Variants in RGS6 observed in about 807,000 individuals in gnomAD.
The protein encoded by RGS6 is regulator of G protein signaling 6.
A neutral mutation model predicts 78.5 loss-of-function variants in RGS6; 30 were observed. The observed-to-expected ratio is 0.38, with a 90% CI of 0.29 to 0.52. The LOEUF (loss-of-function observed/expected upper bound fraction) is 0.52, where lower values mean the gene tolerates loss of function less well. Ranked by LOEUF, RGS6 falls within the 20% of genes least tolerant of loss-of-function variation. RGS6 has a pLI of 0.85. For missense variants in RGS6, 495 were observed against 609.7 expected, an observed-to-expected ratio of 0.81 and a Z score of 1.98; for synonymous variants, 206 against 206.0, an observed-to-expected ratio of 1.00 and a Z score of 0.00.
At chr14:72,506,458 AT>A (rs2096800849) in intron 13 of RGS6, among the ~76,000 whole-genome samples, 2 of 152,250 alleles carry the variant, frequency 1.3e-5, no homozygotes, top group African/African-American at 2.4e-5. Context: ...TTTTATAACC[AT>A]AAGAGACCAT....
At chr14:71,911,793 C>T in the RGS6 span, among the ~76,000 whole-genome samples, 1 of 152,276 alleles carries the variant, frequency 6.6e-6, no homozygotes, top group South Asian at 2.1e-4. Context: ...GAAGCATGGC[C>T]TCTGGTGGAA....
intron 3 of RGS6, among the ~76,000 whole-genome samples, chr14:72,435,754 A>G (rs1253373051): frequency 9.8e-6 from 1 of 102,096 alleles, no homozygotes; most frequent in African/African-American, 3.7e-5. Flanking sequence ...TCTCTCTCCC[A>G]CCCCGCCCCC....
At chr14:72,526,570 A>G (rs2097123696) in intron 15 of RGS6, among the ~76,000 whole-genome samples, 1 of 152,266 alleles carries the variant, frequency 6.6e-6, no homozygotes. Context: ...GATGCTTTGC[A>G]GAGTAAAGGC....
chr14:72,506,267 C>T (rs2096797878), intron 13 of RGS6, among the ~76,000 whole-genome samples: 2 of 152,158 alleles, frequency 1.3e-5, no homozygotes, highest in Non-Finnish European at 2.9e-5. Flanking sequence ...CATAAACTCT[C>T]GAAAATCCAA....
the RGS6 span, among the ~76,000 whole-genome samples, chr14:71,884,244 C>G: frequency 6.6e-6 from 1 of 152,316 alleles, no homozygotes; most frequent in African/African-American, 2.4e-5. Context: ...GAGCCAGGGA[C>G]TCCGCTGTGT....
At chr14:72,549,108 G>A (rs532008635) in intron 17 of RGS6, among the ~76,000 whole-genome samples, 1 of 152,326 alleles carries the variant, frequency 6.6e-6, no homozygotes, top group African/African-American at 2.4e-5. Flanking sequence ...TTGGAGGAGA[G>A]GGATCTGAAA....
chr14:72,445,147 A>C lies in RGS6; in HGVS notation c.185-9381A>C, dbSNP rs560971454. Among the ~76,000 whole-genome samples the C allele has an allele frequency of 3.1e-4, 47 of 152,280 alleles. 1 individual carries two copies. The highest frequency in any genetic ancestry group is 8.3e-4 in the South Asian group (4 of 4,828). On this transcript the variant is annotated intron_variant, in intron 3 of 17. Coordinates refer to ENST00000553525, the MANE Select transcript of RGS6 (RefSeq NM_001204424.2). Reference sequence around the variant, plus strand: ...GGAGGAGGCTTTGAATTGCTACCTAATATTTGTTTAAGTAGTAATTTGTTG... The same window carrying C: ...GGAGGAGGCTTTGAATTGCTACCTACTATTTGTTTAAGTAGTAATTTGTTG...
chr14:72,535,852 AGTT>A lies in RGS6; in HGVS notation c.1279-326_1279-324del, dbSNP rs199582456. ...TCCTAATTCCCTTGAGATTCATCCA[AGTT>A]GTTGTTGGGTGTAAGAACAGTTTGT... On this transcript the variant is annotated intron_variant, in intron 15 of 17. Coordinates refer to ENST00000553525, the MANE Select transcript of RGS6 (RefSeq NM_001204424.2). Among the ~76,000 whole-genome samples, 1,041 of 152,308 alleles carry A rather than the reference AGTT, an allele frequency of 6.8e-3. 13 individuals carry two copies. Among genetic ancestry groups the A allele is most frequent in the Non-Finnish European group, 7.0e-3 (475 of 68,034 alleles).
chr14:72,389,665 C>T (rs913174252), intron 3 of RGS6, among the ~76,000 whole-genome samples: 1 of 152,152 alleles, frequency 6.6e-6, no homozygotes, highest in Admixed American at 6.5e-5. Flanking sequence ...CTAAGCAGTA[C>T]CATTGTTTAC....
At chr14:71,965,327 A>G (rs577473719) in intron 2 of RGS6, among the ~76,000 whole-genome samples, 2 of 152,374 alleles carry the variant, frequency 1.3e-5, no homozygotes, top group Non-Finnish European at 2.9e-5. Context: ...GTTAATTTCC[A>G]AAATAGATGT....
chr14:72,298,000 T>G (rs1281376825), intron 2 of RGS6, among the ~76,000 whole-genome samples: 1 of 152,140 alleles, frequency 6.6e-6, no homozygotes, highest in Non-Finnish European at 1.5e-5. Context: ...TTTATATCTT[T>G]GATTAATTAT....
chr14:72,125,176 C>T (rs183674804), intron 2 of RGS6, among the ~76,000 whole-genome samples: 14 of 152,162 alleles, frequency 9.2e-5, no homozygotes, highest in Admixed American at 3.9e-4. Context: ...CCTAGCACCT[C>T]AGGAAAGCAT....
chr14:72,158,866 T>A (rs200757907), intron 2 of RGS6, among the ~76,000 whole-genome samples: 1 of 30,552 alleles, frequency 3.3e-5, no homozygotes, highest in Non-Finnish European at 9.5e-5. Context: ...GCTCTAGAGC[T>A]TTCTGCCTGG....
At chr14:72,576,500 T>C in the RGS6 span, among the ~76,000 whole-genome samples, 3 of 152,250 alleles carry the variant, frequency 2.0e-5, no homozygotes, top group Non-Finnish European at 4.4e-5. Flanking sequence ...TGTAATCTCA[T>C]AGAATGCTTT....
chr14:71,908,731 C>A, the RGS6 span, among the ~76,000 whole-genome samples: 1 of 152,054 alleles, frequency 6.6e-6, no homozygotes, highest in Admixed American at 6.5e-5. Flanking sequence ...GGTAAATGGG[C>A]AGCATAGGAG....
intron 13 of RGS6, among the ~76,000 whole-genome samples, chr14:72,506,301 A>C (rs1046074402): frequency 6.6e-5 from 10 of 152,246 alleles, no homozygotes; most frequent in Non-Finnish European, 1.2e-4. Context: ...ACTCTACTAG[A>C]GAATATGTCC....
intron 3 of RGS6, among the ~76,000 whole-genome samples, chr14:72,396,752 T>C (rs2091380863): frequency 6.7e-6 from 1 of 150,268 alleles, no homozygotes; most frequent in African/African-American, 2.5e-5. Flanking sequence ...CAGTTTCAGC[T>C]TTCTACATAT....
intron 2 of RGS6, among the ~76,000 whole-genome samples, chr14:72,162,719 G>C (rs1048846808): frequency 6.6e-6 from 1 of 151,840 alleles, no homozygotes; most frequent in Non-Finnish European, 1.5e-5. Context: ...AGCACAATTC[G>C]CAATTGCAAA....
the RGS6 span, among the ~76,000 whole-genome samples, chr14:71,910,128 T>G: frequency 6.6e-6 from 1 of 152,118 alleles, no homozygotes; most frequent in African/African-American, 2.4e-5. Context: ...AGGCAGAGTT[T>G]GCAGTGAGCC....
Sources: allele counts gnomAD v4.1 joint callset (sites outside exome capture counted in the v4.1 genomes callset), GRCh38; gene constraint gnomAD v4.1.1; transcripts MANE v1.5; gene names NCBI Gene and HGNC (gene_info 2026-07-23, HGNC 2026-07-21).